Variants in OR5K1 observed in about 807,000 individuals in gnomAD.
OR5K1 encodes the protein olfactory receptor family 5 subfamily K member 1, also known as olfactory receptor 5K1.
Under a neutral mutation model 10.4 loss-of-function variants are expected in OR5K1, and 7 were observed. That is an observed-to-expected ratio of 0.67 (90% CI 0.38 to 1.26). The LOEUF (loss-of-function observed/expected upper bound fraction) is 1.26, where lower values mean the gene tolerates loss of function less well. OR5K1 is among the 50% of genes most tolerant of loss of function. The probability of loss-of-function intolerance (pLI) is 0.02; values close to 1 mark genes in which losing one functional copy is unlikely to be tolerated. For missense variants in OR5K1, 435 were observed against 366.2 expected, an observed-to-expected ratio of 1.19 and a Z score of -1.53; for synonymous variants, 135 against 128.5, an observed-to-expected ratio of 1.05 and a Z score of -0.34.
rs1705446592 is a variant in OR5K1 at position 98,471,458 on chromosome 3, AATG to A, written c.*958_*960del. 1 of 151,986 alleles carries A rather than the reference AATG, an allele frequency of 6.6e-6. No homozygotes were observed. Among genetic ancestry groups the A allele is most frequent in the South Asian group, 2.1e-4 (1 of 4,832 alleles). 9.4% of individuals were successfully genotyped at this position (151,986 alleles called of 1,614,324 possible). A position where few individuals can be genotyped will look rare whatever the true frequency, so the allele number is the denominator to read the frequency against. ...CTGAAGTTGGTATTGTGGGTAGAGT[AATG>A]ATCTTAATGTGATATCATTTTAAAA... On this transcript the variant is annotated 3_prime_UTR_variant, in exon 2 of 2. Transcript: ENST00000642057.
intron 1 of OR5K1, among the ~76,000 whole-genome samples, chr3:98,465,889 CTT>C (rs57195352): frequency 1.7e-4 from 25 of 150,142 alleles, no homozygotes; most frequent in South Asian, 1.3e-3. Context: ...ATAAATTTGT[CTT>C]TTTTTTTTAA....
chr3:98,470,874 G>A lies in OR5K1; in HGVS notation c.*371G>A, dbSNP rs376067318. On this transcript the variant is annotated 3_prime_UTR_variant, in exon 2 of 2. Coordinates refer to ENST00000642057, the MANE Select transcript of OR5K1 (RefSeq NM_001004736.4). The stretch of plus-strand genomic sequence containing the variant: ...CCATTAAGCATTGATAACCAGATAA[G>A]TTATTTTAATAGCTTAGAGCATGAG... 37 of 160,092 alleles carry A rather than the reference G, an allele frequency of 2.3e-4. No homozygotes were observed. The South Asian group carries it at 6.8e-3, about 30-fold the overall frequency. The allele number at this position is 160,092 out of a possible 1,614,324, so 9.9% of individuals were successfully genotyped here. A position where few individuals can be genotyped will look rare whatever the true frequency, so the allele number is the denominator to read the frequency against.
chr3:98,465,822 A>T (rs1705366245), intron 1 of OR5K1, among the ~76,000 whole-genome samples: 2 of 151,872 alleles, frequency 1.3e-5, no homozygotes, highest in South Asian at 4.1e-4. Context: ...TATTTATTCC[A>T]GTCTCCCAGT....
rs1202376484 is a variant in OR5K1, at chr3:98,470,126, T to C, written c.550T>C (p.Leu184=). The change falls in exon 2 of 2, where the codon TTG becomes CTG. Residue 184 remains leucine (L), a synonymous_variant. Coordinates refer to ENST00000642057, the MANE Select transcript of OR5K1 (RefSeq NM_001004736.4). ...INHFYCDILP[L]YRLSCVDPYI... ...CCACTTTTACTGTGATATTCTTCCC[T>C]TGTATAGACTCTCTTGTGTTGATCC... The C allele has an allele frequency of 1.2e-6, 2 of 1,613,524 alleles. No homozygotes were observed. Among genetic ancestry groups the C allele is most frequent in the Non-Finnish European group, 1.7e-6 (2 of 1,179,708 alleles).
chr3:98,470,157 T>G lies in OR5K1; in HGVS notation c.581T>G (p.Ile194Ser), dbSNP rs759801175. ...LYRLSCVDPY[I>S]NELVLFIFSG... is the part of the protein sequence containing the mutation. ...AGACTCTCTTGTGTTGATCCTTATA[T>G]CAATGAACTGGTTCTATTCATCTTC... is the stretch of plus-strand genomic sequence containing the variant. The change falls in exon 2 of 2, where the codon ATC becomes AGC. Residue 194 changes from isoleucine (I) to serine (S), a missense_variant. Physicochemically the swap from Ile to Ser is moderately radical, Grantham distance 142 (BLOSUM62 -2). Transcript: ENST00000642057. 5.6e-6 allele frequency: 9 copies of G among 1,613,358 alleles called. No homozygotes were observed. Among genetic ancestry groups the G allele is most frequent in the Non-Finnish European group, 7.6e-6 (9 of 1,179,600 alleles).
In OR5K1 at chr3:98,472,227, G is replaced by A. The variant is rs1195254763; in HGVS notation, c.*1724G>A. On this transcript the variant is annotated 3_prime_UTR_variant, in exon 2 of 2. Coordinates refer to ENST00000642057, the MANE Select transcript of OR5K1 (RefSeq NM_001004736.4). ...CTATTTATCCAACCCACAAGGCTTT[G>A]GGTTGGCTGGCTCTCTCTCTCTTAC... The A allele has an allele frequency of 8.8e-6, 1 of 113,216 alleles. No homozygotes were observed. Among genetic ancestry groups the A allele is most frequent in the Non-Finnish European group, 1.8e-5 (1 of 55,328 alleles). The allele number at this position is 113,216 out of a possible 1,614,324, so 7.0% of individuals were successfully genotyped here. A position where few individuals can be genotyped will look rare whatever the true frequency, so the allele number is the denominator to read the frequency against.
rs932794974 is a variant in OR5K1, at chr3:98,472,648, C to T, written c.*2145C>T. On this transcript the variant is annotated 3_prime_UTR_variant, in exon 2 of 2. Coordinates refer to ENST00000642057, the MANE Select transcript of OR5K1 (RefSeq NM_001004736.4). ...TAAAATTGGACTCAAAAATGAGACT[C>T]TGTCTTAGTCTATTCTCTCTGTCTG... is the stretch of plus-strand genomic sequence containing the variant. The T allele has an allele frequency of 1.6e-4, 25 of 152,018 alleles. No individual in the cohort carries two copies. Among genetic ancestry groups the T allele is most frequent in the African/African-American group, 5.5e-4 (23 of 41,494 alleles). The allele number at this position is 152,018 out of a possible 1,614,324, so 9.4% of individuals were successfully genotyped here.
intron 1 of OR5K1, among the ~76,000 whole-genome samples, chr3:98,465,846 T>G (rs1054193039): frequency 7.2e-5 from 11 of 151,948 alleles, no homozygotes; most frequent in Admixed American, 6.6e-4. Flanking sequence ...TGTTTGATGC[T>G]TAATTTTTAT....
In OR5K1 at chr3:98,471,421, C is replaced by A. The variant is rs1312974506; in HGVS notation, c.*918C>A. On this transcript the variant is annotated 3_prime_UTR_variant, in exon 2 of 2. Transcript: ENST00000642057. ...TTTATCTAATTTTTTTTTCTTTTCA[C>A]TATTGCAAAACCTGAAGTTGGTATT... The A allele has an allele frequency of 6.6e-6, 1 of 151,744 alleles. No homozygotes were observed. The highest frequency in any genetic ancestry group is 2.4e-5 in the African/African-American group (1 of 41,324). The allele number at this position is 151,744 out of a possible 1,614,324, so 9.4% of individuals were successfully genotyped here.
intron 1 of OR5K1, among the ~76,000 whole-genome samples, chr3:98,463,939 G>A (rs1199504354): frequency 6.6e-6 from 1 of 152,106 alleles, no homozygotes; most frequent in East Asian, 1.9e-4. Context: ...AGTTTCAAAC[G>A]TTATTTTAAA....
chr3:98,470,146 T>C lies in OR5K1; in HGVS notation c.570T>C (p.Val190=). The change falls in exon 2 of 2, where the codon GTT becomes GTC. Residue 190 remains valine, a synonymous_variant. Transcript: ENST00000642057. ...TTCCCTTGTATAGACTCTCTTGTGT[T>C]GATCCTTATATCAATGAACTGGTTC... ...DILPLYRLSC[V]DPYINELVLF... is the part of the protein sequence containing the mutation. 1 of 1,613,584 alleles carries C rather than the reference T, an allele frequency of 6.2e-7. No homozygotes were observed. The highest frequency in any genetic ancestry group is 8.5e-7 in the Non-Finnish European group (1 of 1,179,670).
intron 1 of OR5K1, among the ~76,000 whole-genome samples, chr3:98,469,022 G>A (rs544866474): frequency 4.0e-4 from 61 of 152,138 alleles, no homozygotes; most frequent in African/African-American, 1.4e-3. Flanking sequence ...GCAGAGACAT[G>A]GAATCAACCT....
Position 98,469,655 on chromosome 3 carries a change from C to A in OR5K1, c.79C>A (p.Leu27Met), listed in dbSNP as rs1705416927. The change falls in exon 2 of 2, where the codon CTG (leucine) becomes ATG (methionine). Residue 27 changes from leucine (L) to methionine (M), a missense_variant. Physicochemically the swap from Leu to Met is conservative, Grantham distance 15 (BLOSUM62 2). Transcript: ENST00000642057. ...AGATCACCCTGAGCTGAAGACTCTGCTGTTTGTGGTGTTCTTTGCCATCTA... is the reference window on the plus strand; with the variant it reads ...AGATCACCCTGAGCTGAAGACTCTGATGTTTGTGGTGTTCTTTGCCATCTA... ...FTDHPELKTL[L>M]FVVFFAIYLI... 2 of 1,613,602 alleles carry A rather than the reference C, an allele frequency of 1.2e-6. No individual in the cohort carries two copies. Among genetic ancestry groups the A allele is most frequent in the African/African-American group, 1.3e-5 (1 of 74,976 alleles).
intron 1 of OR5K1, among the ~76,000 whole-genome samples, chr3:98,464,399 G>A (rs370846851): frequency 7.4e-4 from 112 of 152,222 alleles, no homozygotes; most frequent in Admixed American, 2.0e-3. Context: ...CCCAAACTTC[G>A]GAGTATAGTT....
At chr3:98,465,899 T>TTA (rs1553684220) in intron 1 of OR5K1, among the ~76,000 whole-genome samples, 1 of 148,736 alleles carries the variant, frequency 6.7e-6, no homozygotes, top group African/African-American at 2.5e-5. Context: ...CTTTTTTTTT[T>TTA]AATTTTTTTT....
intron 1 of OR5K1, among the ~76,000 whole-genome samples, chr3:98,465,920 TAA>T (rs1415532211): frequency 6.6e-6 from 1 of 151,940 alleles, no homozygotes; most frequent in Admixed American, 6.6e-5. Flanking sequence ...TATTATACTT[TAA>T]GTTTTAGGGT....
chr3:98,469,556 T>C lies in OR5K1; in HGVS notation c.-11-10T>C, dbSNP rs777160098. ...AATTAGTGCCTTCTTTCTCCACAAT[T>C]TTTTTTCAGACAAGTCAGGAATGGC... On this transcript the variant is annotated splice_polypyrimidine_tract_variant and intron_variant, in intron 1 of 1. Coordinates refer to ENST00000642057, the MANE Select transcript of OR5K1 (RefSeq NM_001004736.4). 4 of 1,594,436 alleles carry C rather than the reference T, an allele frequency of 2.5e-6. No individual in the cohort carries two copies. The Admixed American group carries it at 7.0e-5, about 28-fold the overall frequency.
rs1705431931 is a variant in OR5K1, at chr3:98,470,337, C to T, written c.761C>T (p.Ser254Phe). ...HFLSVSLFYG[S>F]LFFMYVRPNL... Reference sequence around the variant, plus strand: ...TTGTCAGTTTCATTATTCTATGGATCTCTTTTCTTCATGTACGTTAGACCA... The same window carrying T: ...TTGTCAGTTTCATTATTCTATGGATTTCTTTTCTTCATGTACGTTAGACCA... The change falls in exon 2 of 2, where the codon TCT becomes TTT. Residue 254 changes from serine to phenylalanine, a missense_variant. By Grantham distance (155) the Ser-to-Phe change is radical (BLOSUM62 -2). Transcript: ENST00000642057. 2 of 1,613,164 alleles carry T rather than the reference C, an allele frequency of 1.2e-6. No homozygotes were observed. Among genetic ancestry groups the T allele is most frequent in the African/African-American group, 1.3e-5 (1 of 74,858 alleles).
At chr3:98,466,063 C>G (rs367993290) in intron 1 of OR5K1, among the ~76,000 whole-genome samples, 1 of 151,828 alleles carries the variant, frequency 6.6e-6, no homozygotes, top group East Asian at 1.9e-4. Context: ...CCGACCCCAC[C>G]ACAGTCCCCA....
Sources: allele counts gnomAD v4.1 joint callset (sites outside exome capture counted in the v4.1 genomes callset), GRCh38; gene constraint gnomAD v4.1.1; transcripts MANE v1.5; gene names NCBI Gene and HGNC (gene_info 2026-07-23, HGNC 2026-07-21).